SANBR: variants seen among roughly 807,000 people sequenced by gnomAD.
SANBR encodes the protein SANT and BTB domain regulator of CSR.
A neutral mutation model predicts 101.8 loss-of-function variants in SANBR; 77 were observed. The observed-to-expected ratio is 0.76, with a 90% CI of 0.63 to 0.91. SANBR has a LOEUF of 0.91. Ranked by LOEUF, SANBR falls within the 40% of genes least tolerant of loss-of-function variation. The probability of loss-of-function intolerance (pLI) is 0.00; values close to 1 mark genes in which losing one functional copy is unlikely to be tolerated. For synonymous variants in SANBR, 279 were observed against 274.7 expected, an observed-to-expected ratio of 1.02 and a Z score of -0.15; for missense variants, 875 against 853.0, an observed-to-expected ratio of 1.03 and a Z score of -0.32.
downstream of SANBR, among the ~76,000 whole-genome samples, chr2:61,125,761 C>A (rs1024859275): frequency 6.6e-6 from 1 of 152,214 alleles, no homozygotes; most frequent in Admixed American, 6.5e-5. Flanking sequence ...GCTCCTGATA[C>A]ATTCCTTATC....
chr2:61,092,448 G>C lies in SANBR; in HGVS notation c.1089-16G>C. The C allele has an allele frequency of 6.6e-7, 1 of 1,518,602 alleles. No homozygotes were observed. The highest frequency in any genetic ancestry group is 8.8e-7 in the Non-Finnish European group (1 of 1,136,168). 94.1% of individuals were successfully genotyped at this position (1,518,602 alleles called of 1,614,324 possible). A position where few individuals can be genotyped will look rare whatever the true frequency, so the allele number is the denominator to read the frequency against. Reference sequence around the variant, plus strand: ...GTTTATATCACTTGCTTGTAAAATTGAGGCTCTTTCTCCAGAGATAAGACA... The same window carrying C: ...GTTTATATCACTTGCTTGTAAAATTCAGGCTCTTTCTCCAGAGATAAGACA... On this transcript the variant is annotated splice_polypyrimidine_tract_variant and intron_variant, in intron 10 of 21. Coordinates refer to ENST00000402291, the MANE Select transcript of SANBR (RefSeq NM_001129993.3).
At chr2:61,078,821 T>C (rs1276111200) in intron 6 of SANBR, among the ~76,000 whole-genome samples, 1 of 151,894 alleles carries the variant, frequency 6.6e-6, no homozygotes, top group Non-Finnish European at 1.5e-5. Flanking sequence ...GGTGGATCAC[T>C]TGAGGCCAGG....
At chr2:61,126,448 G>A (rs1319148709), downstream of SANBR, among the ~76,000 whole-genome samples, 1 of 152,046 alleles carries the variant, frequency 6.6e-6, no homozygotes, top group Non-Finnish European at 1.5e-5. Flanking sequence ...TTTTCGATGT[G>A]GCTCAGATCA....
chr2:61,070,399 C>A lies in SANBR; in HGVS notation c.49C>A (p.Gln17Lys). Residue 17 changes from glutamine (Q) to lysine (K), a missense_variant, in exon 3 of 22, where the codon CAA becomes AAA. Transcript: ENST00000402291. ...ENNNFLNNNN[Q>K]MVLDMILYPL... Reference sequence around the variant, plus strand: ...CAACAATTTCCTGAACAATAATAACCAAATGGTATTGGACATGATCCTTTA... The same window carrying A: ...CAACAATTTCCTGAACAATAATAACAAAATGGTATTGGACATGATCCTTTA... The A allele has an allele frequency of 1.3e-6, 2 of 1,596,888 alleles. No individual in the cohort carries two copies. The highest frequency in any genetic ancestry group is 1.7e-6 in the Non-Finnish European group (2 of 1,172,966).
intron 20 of SANBR, among the ~76,000 whole-genome samples, chr2:61,131,281 A>C (rs1032280349): frequency 6.6e-6 from 1 of 152,172 alleles, no homozygotes; most frequent in African/African-American, 2.4e-5. Context: ...AGATGACCTG[A>C]TCCTGTATGC....
intron 16 of SANBR, among the ~76,000 whole-genome samples, chr2:61,110,029 A>G (rs1187750861): frequency 6.6e-6 from 1 of 152,186 alleles, no homozygotes; most frequent in East Asian, 1.9e-4. Flanking sequence ...AGAAACAGCA[A>G]GGAAAATTGG....
chr2:61,072,964 C>G (rs1013272685), intron 4 of SANBR, among the ~76,000 whole-genome samples: 1 of 150,978 alleles, frequency 6.6e-6, no homozygotes, highest in African/African-American at 2.4e-5. Context: ...GCAGCTGGAA[C>G]TACACGTACA....
chr2:61,128,165 G>A (rs955032941), downstream of SANBR, among the ~76,000 whole-genome samples: 3 of 152,002 alleles, frequency 2.0e-5, no homozygotes, highest in South Asian at 6.3e-4. Flanking sequence ...CCAGCTACTT[G>A]GGAGGTTGAG....
In SANBR at chr2:61,117,294, A is replaced by G. The variant is rs370561930; in HGVS notation, c.1837-63A>G. 1.6e-5 allele frequency: 23 copies of G among 1,405,880 alleles called. No homozygotes were observed. In the Admixed American group the frequency reaches 3.0e-4, roughly 18 times the overall value. 87.1% of individuals were successfully genotyped at this position (1,405,880 alleles called of 1,614,324 possible). On this transcript the variant is annotated intron_variant, in intron 17 of 21. Transcript: ENST00000402291. ...GTAAGAGTGAACTCTTTTTATTACT[A>G]ACTATAGCACTAATCAGTAAACATG...
At chr2:61,125,350 A>G (rs1684483631), downstream of SANBR, among the ~76,000 whole-genome samples, 1 of 152,228 alleles carries the variant, frequency 6.6e-6, no homozygotes, top group South Asian at 2.1e-4. Flanking sequence ...GTGTGTGCGT[A>G]TATGTATTTA....
chr2:61,129,172 G>A (rs114811949), downstream of SANBR, among the ~76,000 whole-genome samples: 434 of 152,156 alleles, frequency 2.9e-3, 1 homozygote, highest in African/African-American at 8.7e-3. Flanking sequence ...ATCCGGGCAC[G>A]GTGGCTCACA....
chr2:61,118,090 C>A lies in SANBR; in HGVS notation c.2002C>A (p.Arg668=). The A allele has an allele frequency of 6.2e-7, 1 of 1,613,124 alleles. No homozygotes were observed. The highest frequency in any genetic ancestry group is 8.5e-7 in the Non-Finnish European group (1 of 1,179,436). ...LIKMRLGDLD[R]VKSKEAKEFA... ...AAAAATGAGATTGGGGGATCTGGAC[C>A]GAGTCAAGTCAAAGGAAGCAAAAGA... The change falls in exon 20 of 22, where the codon CGA becomes AGA. Residue 668 remains arginine (R), a synonymous_variant. Transcript: ENST00000402291.
intron 2 of SANBR, among the ~76,000 whole-genome samples, chr2:61,070,082 A>C (rs914223224): frequency 6.6e-6 from 1 of 152,218 alleles, no homozygotes; most frequent in East Asian, 1.9e-4. Context: ...TAAAGAAAAA[A>C]AGATAAAAAA....
At chr2:61,104,242 G>A (rs999044150) in intron 13 of SANBR, among the ~76,000 whole-genome samples, 2 of 152,034 alleles carry the variant, frequency 1.3e-5, no homozygotes, top group South Asian at 2.1e-4. Flanking sequence ...CAGCACTTTC[G>A]GAGGCCAAGG....
In SANBR at chr2:61,123,975, TC is replaced by T. The variant is rs1365520289; in HGVS notation, c.*1816del. On this transcript the variant is annotated 3_prime_UTR_variant, in exon 22 of 22. Coordinates refer to ENST00000402291, the MANE Select transcript of SANBR (RefSeq NM_001129993.3). ...CAGGCATGGTGGCATACACCTGTAG[TC>T]CCAGCTACTCGGGAGGCTGAGGCAC... 2.9e-5 allele frequency: 9 copies of T among 305,708 alleles called. No homozygotes were observed. Among genetic ancestry groups the T allele is most frequent in the Non-Finnish European group, 4.3e-5 (9 of 208,846 alleles). The allele number at this position is 305,708 out of a possible 1,614,324, so 18.9% of individuals were successfully genotyped here.
chr2:61,073,022 G>A (rs1681567544), intron 4 of SANBR, among the ~76,000 whole-genome samples: 1 of 151,678 alleles, frequency 6.6e-6, no homozygotes. Context: ...GTCAACAAGA[G>A]CTTCAACTGA....
rs747732804 is a variant in SANBR, at chr2:61,088,429, A to T, written c.1049A>T (p.Asn350Ile). 6.2e-7 allele frequency: 1 copy of T among 1,609,682 alleles called. No individual in the cohort carries two copies. The highest frequency in any genetic ancestry group is 1.1e-5 in the South Asian group (1 of 89,756). Residue 350 changes from asparagine (N) to isoleucine (I), a missense_variant, in exon 10 of 22, where the codon AAT (asparagine) becomes ATT (isoleucine). Physicochemically the swap from Asn to Ile is moderately radical, Grantham distance 149 (BLOSUM62 -3). Coordinates refer to ENST00000402291, the MANE Select transcript of SANBR (RefSeq NM_001129993.3). ...ATTCCTTGCATTCCTGGAAAAATCA[A>T]TGTGGATCGACGTGGAAATATTGTC... The part of the protein sequence containing the change: ...RRIPCIPGKI[N>I]VDRRGNIVYI...
At chr2:61,109,363 T>A (rs927509043) in intron 16 of SANBR, 67 bp downstream of exon 16, 1 of 856,400 alleles carries the variant, frequency 1.2e-6, no homozygotes, top group African/African-American at 1.7e-5. Context: ...AAGCCTTTAA[T>A]GCAAGGGATG....
chr2:61,072,955 C>A (rs571937109), intron 4 of SANBR, among the ~76,000 whole-genome samples: 1 of 150,818 alleles, frequency 6.6e-6, no homozygotes, highest in South Asian at 2.1e-4. Flanking sequence ...GCCTCCTGAG[C>A]AGCTGGAACT....
Sources: gnomAD v4.1 joint callset for allele counts (sites outside exome capture counted in the v4.1 genomes callset) on GRCh38, gnomAD v4.1.1 for gene constraint, MANE v1.5 for transcripts, NCBI Gene and HGNC (gene_info 2026-07-23, HGNC 2026-07-21) for gene names.